ZNF316: variants seen among roughly 807,000 people sequenced by gnomAD.
The protein encoded by ZNF316 is zinc finger protein 316.
ZNF316 carries 23 observed loss-of-function variants against 75.6 expected under a neutral mutation model. The ratio of observed to expected loss-of-function variants is 0.30; its 90% confidence interval spans 0.22 to 0.43. ZNF316 has a LOEUF of 0.43. ZNF316 is among the 20% of genes least tolerant of loss of function. The pLI is 1.00. For synonymous variants in ZNF316, 827 were observed against 666.2 expected, an observed-to-expected ratio of 1.24 and a Z score of -3.72; for missense variants, 1,266 against 1,409.4, an observed-to-expected ratio of 0.90 and a Z score of 1.63.
At chr7:6,647,248 G>A (rs1219303480) in intron 8 of ZNF316, among the ~76,000 whole-genome samples, 1 of 152,136 alleles carries the variant, frequency 6.6e-6, no homozygotes, top group Non-Finnish European at 1.5e-5. Context: ...TGTCCTCAGA[G>A]AGGCCCCTCC....
rs1779607371 is a variant in ZNF316 at position 6,655,537 on chromosome 7, C to T, written c.*926C>T. On this transcript the variant is annotated 3_prime_UTR_variant, in exon 9 of 9. Transcript: ENST00000382252. The stretch of plus-strand genomic sequence containing the variant: ...GAGCCCCAGCTTTCACTTCCCTGGG[C>T]TGCCCCTCTCCGGGAGCAGGCAGAC... 1.3e-5 allele frequency: 2 copies of T among 152,186 alleles called. No homozygotes were observed. Among genetic ancestry groups the T allele is most frequent in the Non-Finnish European group, 1.5e-5 (1 of 68,054 alleles). The allele number at this position is 152,186 out of a possible 1,614,324, so 9.4% of individuals were successfully genotyped here.
At position 6,644,515 on chromosome 7, in the gene ZNF316, C is replaced by A. The variant is rs1229713252; in HGVS notation, c.628C>A (p.Leu210Met). The change falls in exon 8 of 9, where the codon CTG becomes ATG. Residue 210 changes from leucine (L) to methionine (M), a missense_variant. Coordinates refer to ENST00000382252, the MANE Select transcript of ZNF316 (RefSeq NM_001278559.2). ...TCCCAAGCCCGATCTGATCTTCCGG[C>A]TGGAACAAGGGGAAGAACCTTGGGT... ...PIPKPDLIFR[L>M]EQGEEPWVPD... is the part of the protein sequence containing the mutation. 6.5e-6 allele frequency: 8 copies of A among 1,232,170 alleles called. No individual in the cohort carries two copies. The highest frequency in any genetic ancestry group is 8.1e-6 in the Non-Finnish European group (8 of 988,032). 76.3% of individuals were successfully genotyped at this position (1,232,170 alleles called of 1,614,324 possible).
In ZNF316 at chr7:6,643,803, T is replaced by C; in HGVS notation, c.466-19T>C. On this transcript the variant is annotated intron_variant, in intron 6 of 8. Coordinates refer to ENST00000382252, the MANE Select transcript of ZNF316 (RefSeq NM_001278559.2). ...TAAAGGGCTCCCTCAGCCTCTCACC[T>C]GAGGCTCTGTTTCCCCAGGAGCTGG... 3 of 1,234,254 alleles carry C rather than the reference T, an allele frequency of 2.4e-6. No homozygotes were observed. The highest frequency in any genetic ancestry group is 2.0e-6 in the Non-Finnish European group (2 of 989,234). 76.5% of individuals were successfully genotyped at this position (1,234,254 alleles called of 1,614,324 possible).
At chr7:6,648,309 G>A (rs1321665988) in intron 8 of ZNF316, among the ~76,000 whole-genome samples, 3 of 152,182 alleles carry the variant, frequency 2.0e-5, no homozygotes, top group Non-Finnish European at 2.9e-5. Flanking sequence ...ATTAGGGACT[G>A]TGGCCCAGCC....
intron 2 of ZNF316, among the ~76,000 whole-genome samples, chr7:6,638,656 C>T (rs568589343): frequency 1.6e-4 from 24 of 152,204 alleles, no homozygotes; most frequent in African/African-American, 4.6e-4. Flanking sequence ...GGTTTGGGGC[C>T]GGGTGAGGTG....
rs894396196 is a variant in ZNF316 at position 6,653,585 on chromosome 7, C to T, written c.1989C>T (p.Gly663=). Residue 663 remains glycine (G), a synonymous_variant, in exon 9 of 9, where the codon GGC becomes GGT. Transcript: ENST00000382252. ...GCGGCGGGGCCGCGGGCGGCGGAGG[C>T]GGCCTGCGCGCGTTCGGGCCCGCCA... ...FGGGGAAGGG[G]GLRAFGPAIG... 15 of 1,076,270 alleles carry T rather than the reference C, an allele frequency of 1.4e-5. No individual in the cohort carries two copies. Among genetic ancestry groups the T allele is most frequent in the East Asian group, 5.8e-5 (1 of 17,102 alleles). 66.7% of individuals were successfully genotyped at this position (1,076,270 alleles called of 1,614,324 possible).
chr7:6,644,334 G>A (rs572603934), intron 7 of ZNF316, 146 bp from the exon 8 acceptor site: 115 of 423,842 alleles, frequency 2.7e-4, no homozygotes, highest in Non-Finnish European at 3.1e-4. Context: ...GGAAGGGACC[G>A]CCTGGACCCT....
chr7:6,644,222 G>A (rs1779358971), intron 7 of ZNF316, among the ~76,000 whole-genome samples: 1 of 152,170 alleles, frequency 6.6e-6, no homozygotes, highest in African/African-American at 2.4e-5. Context: ...CAGGGGTGAG[G>A]CGGAAGGCGA....
chr7:6,652,864 A>G lies in ZNF316; in HGVS notation c.1268A>G (p.His423Arg). 1.6e-6 allele frequency: 2 copies of G among 1,245,038 alleles called. No individual in the cohort carries two copies. Among genetic ancestry groups the G allele is most frequent in the Non-Finnish European group, 1.0e-6 (1 of 993,894 alleles). 77.1% of individuals were successfully genotyped at this position (1,245,038 alleles called of 1,614,324 possible). The change falls in exon 9 of 9, where the codon CAT becomes CGT. Residue 423 changes from histidine to arginine, a missense_variant. This residue lies in a region of ZNF316 where 961 missense variants were observed against 990.9 expected (regional missense o/e 0.97). Transcript: ENST00000382252. ...KSHLVTHRRIHTGERPYRCAF... is the reference protein window; with the variant it reads ...KSHLVTHRRIRTGERPYRCAF... The stretch of plus-strand genomic sequence containing the variant: ...CACCTGGTTACGCACCGACGCATCC[A>G]TACTGGCGAGCGGCCCTACCGCTGC...
At position 6,654,378 on chromosome 7, in the gene ZNF316, T is replaced by A; in HGVS notation, c.2782T>A (p.Ser928Thr). Reference protein sequence around the residue: ...ANCGRRFSQSSHLLTHMKTHR... With the variant: ...ANCGRRFSQSTHLLTHMKTHR... ...CTGCGGCCGCCGCTTCTCGCAGAGC[T>A]CGCACTTGCTCACCCACATGAAGAC... Residue 928 changes from serine (S) to threonine (T), a missense_variant, in exon 9 of 9, where the codon TCG becomes ACG. By Grantham distance (58) the Ser-to-Thr change is moderately conservative (BLOSUM62 1). Around this residue, in one of 3 missense-constraint regions of ZNF316, gnomAD observed 194 missense variants for 319.2 expected, o/e 0.61. Transcript: ENST00000382252. 8.2e-7 allele frequency: 1 copy of A among 1,218,384 alleles called. No homozygotes were observed. Among genetic ancestry groups the A allele is most frequent in the Non-Finnish European group, 1.0e-6 (1 of 979,400 alleles). The allele number at this position is 1,218,384 out of a possible 1,614,324, so 75.5% of individuals were successfully genotyped here.
chr7:6,652,685 C>T lies in ZNF316; in HGVS notation c.1089C>T (p.His363=), dbSNP rs905753467. The part of the protein sequence containing the change: ...VFPHRSRLAK[H]QRYHAAVKPF... ...CGCACCGCTCGCGGCTGGCCAAGCA[C>T]CAGCGCTACCACGCGGCCGTCAAGC... The change falls in exon 9 of 9, where the codon CAC becomes CAT. Residue 363 remains histidine (H), a synonymous_variant. Coordinates refer to ENST00000382252, the MANE Select transcript of ZNF316 (RefSeq NM_001278559.2). 3.8e-5 allele frequency: 47 copies of T among 1,234,248 alleles called. No homozygotes were observed. In the East Asian group the frequency reaches 1.4e-3, roughly 36 times the overall value. The allele number at this position is 1,234,248 out of a possible 1,614,324, so 76.5% of individuals were successfully genotyped here. A position where few individuals can be genotyped will look rare whatever the true frequency, so the allele number is the denominator to read the frequency against.
In ZNF316 at chr7:6,642,314, G is replaced by A. The variant is rs1482252263; in HGVS notation, c.-28-68G>A. 2.5e-6 allele frequency: 2 copies of A among 792,688 alleles called. No homozygotes were observed. Among genetic ancestry groups the A allele is most frequent in the Non-Finnish European group, 3.4e-6 (2 of 587,338 alleles). The allele number at this position is 792,688 out of a possible 1,614,324, so 49.1% of individuals were successfully genotyped here. ...TCCCTGCGCCCCCGCCAGGCTGCGG[G>A]AGACCCTGTGAGGGGACCGTGTGGT... On this transcript the variant is annotated intron_variant, in intron 4 of 8. Transcript: ENST00000382252. This position sits in a 1 kb window ranked among gnomAD's most constrained non-coding sequence, Gnocchi z 8.1.
Position 6,654,003 on chromosome 7 carries a change from T to TA in ZNF316, c.2408dup (p.Tyr803Ter). Residue 803 changes from tyrosine to a stop codon, truncating the protein, a stop_gained and frameshift_variant, in exon 9 of 9, where the codon TAC (tyrosine) becomes TAAC (stop). Coordinates refer to ENST00000382252, the MANE Select transcript of ZNF316 (RefSeq NM_001278559.2). LOFTEE classifies it high-confidence loss of function. The stretch of plus-strand genomic sequence containing the variant: ...GCGCGCGCACACCGGGGAGCGGCCT[T>TA]ACGCGTGTGGAGAGTGCGGCCGGCG... The part of the protein sequence containing the change: ...HGRAHTGERP[Y>*]ACGECGRRFG... 1 of 1,186,412 alleles carries TA rather than the reference T, an allele frequency of 8.4e-7. No individual in the cohort carries two copies. 73.5% of individuals were successfully genotyped at this position (1,186,412 alleles called of 1,614,324 possible).
At chr7:6,644,357 T>C (rs1392366840) in intron 7 of ZNF316, 123 bp from the exon 8 acceptor site, 3 of 451,918 alleles carry the variant, frequency 6.6e-6, no homozygotes, top group African/African-American at 2.1e-5. Context: ...AGAGCAGGGG[T>C]GTGGGAGGGC....
intron 6 of ZNF316, among the ~76,000 whole-genome samples, chr7:6,643,434 G>A (rs990210013): frequency 5.3e-5 from 8 of 152,236 alleles, no homozygotes; most frequent in African/African-American, 1.9e-4. Context: ...AGTCAGGTCA[G>A]GCACCAGTGC....
chr7:6,653,038 C>G lies in ZNF316; in HGVS notation c.1442C>G (p.Ala481Gly), dbSNP rs1240942205. 8 of 1,219,798 alleles carry G rather than the reference C, an allele frequency of 6.6e-6. 1 individual carries two copies. The South Asian group carries it at 3.3e-4, about 50-fold the overall frequency. The allele number at this position is 1,219,798 out of a possible 1,614,324, so 75.6% of individuals were successfully genotyped here. The change falls in exon 9 of 9, where the codon GCC becomes GGC. Residue 481 changes from alanine (A) to glycine (G), a missense_variant. Ala to Gly is a moderately conservative substitution (Grantham distance 60, BLOSUM62 0). Around this residue, in one of 3 missense-constraint regions of ZNF316, gnomAD observed 961 missense variants for 990.9 expected, o/e 0.97. Coordinates refer to ENST00000382252, the MANE Select transcript of ZNF316 (RefSeq NM_001278559.2). ...GCACGGCACCAGGCGGTGCACACGG[C>G]CGACCGCCCGCACTGCTGTCCCGAC... The part of the protein sequence containing the change: ...ALARHQAVHT[A>G]DRPHCCPDCG...
Position 6,642,251 on chromosome 7 carries a change from A to G in ZNF316, c.-28-131A>G. 9.6e-6 allele frequency: 4 copies of G among 414,654 alleles called. No homozygotes were observed. In the Admixed American group the frequency reaches 1.8e-4, roughly 18 times the overall value. The allele number at this position is 414,654 out of a possible 1,614,324, so 25.7% of individuals were successfully genotyped here. The stretch of plus-strand genomic sequence containing the variant: ...GAAGGCCCGGTCCTCCCTCATCTCC[A>G]TTGCCTTCAACTACATAACAGGAGG... On this transcript the variant is annotated intron_variant, in intron 4 of 8. Transcript: ENST00000382252. The surrounding 1 kb of genome is among the most constrained non-coding windows in gnomAD (Gnocchi z 8.1).
chr7:6,658,266 G>T lies in ZNF316; in HGVS notation c.*3655G>T, dbSNP rs1472877787. Among the ~76,000 whole-genome samples the T allele has an allele frequency of 6.6e-6, 1 of 151,848 alleles. No individual in the cohort carries two copies. Among genetic ancestry groups the T allele is most frequent in the Non-Finnish European group, 1.5e-5 (1 of 67,984 alleles). On this transcript the variant is annotated 3_prime_UTR_variant, in exon 9 of 9. Coordinates refer to ENST00000382252, the MANE Select transcript of ZNF316 (RefSeq NM_001278559.2). ...TACTGGGTTATATCTATTAAATAAA[G>T]CTTTATGATCTTTGCTCTTTTTTTT... is the stretch of plus-strand genomic sequence containing the variant.
intron 8 of ZNF316, among the ~76,000 whole-genome samples, chr7:6,650,983 C>A (rs891172126): frequency 2.0e-5 from 3 of 152,044 alleles, no homozygotes; most frequent in Admixed American, 6.5e-5. Context: ...ACAGGTGCCT[C>A]GCAAGGCTGA....
Sources: gnomAD v4.1 joint callset for allele counts (sites outside exome capture counted in the v4.1 genomes callset) on GRCh38, gnomAD v4.1.1 for gene constraint, gnomAD v4.1.1 regional missense constraint, Gnocchi (gnomAD v3.1) non-coding constraint, MANE v1.5 for transcripts, NCBI Gene and HGNC (gene_info 2026-07-23, HGNC 2026-07-21) for gene names.